ABCG5: variants seen among roughly 807,000 people sequenced by gnomAD.
The protein encoded by ABCG5 is ATP-binding cassette sub-family G member 5.
Under a neutral mutation model 64.5 loss-of-function variants are expected in ABCG5, and 64 were observed. The observed-to-expected ratio is 0.99, with a 90% CI of 0.81 to 1.22. ABCG5 has a LOEUF of 1.22. Among genes scored for constraint, ABCG5 ranks in the 50% most tolerant of loss-of-function variants. The pLI is 0.00. For missense variants in ABCG5, 908 were observed against 829.5 expected (o/e 1.09, Z -1.16); for synonymous variants, 385 against 326.3 (o/e 1.18, Z -1.94).
At chr2:43,824,489 T>C (rs1039775024) in intron 7 of ABCG5, 57 bp from the exon 8 acceptor site, 1 of 1,604,358 alleles carries the variant, frequency 6.2e-7, no homozygotes, top group South Asian at 1.1e-5. Context: ...TGTATGTACA[T>C]GGATATACAA....
At chr2:43,837,077 G>T (rs920606671) in intron 2 of ABCG5, among the ~76,000 whole-genome samples, 1 of 150,392 alleles carries the variant, frequency 6.6e-6, no homozygotes, top group Non-Finnish European at 1.5e-5. Flanking sequence ...GATCTGATAA[G>T]GCCCGATGTT....
chr2:43,838,664 A>T lies in ABCG5; in HGVS notation c.16T>A (p.Ser6Thr). Residue 6 changes from serine (S) to threonine (T), a missense_variant, in exon 1 of 13, where the codon TCT becomes ACT. Physicochemically the swap from Ser to Thr is moderately conservative, Grantham distance 58 (BLOSUM62 1). Transcript: ENST00000405322. This position sits in a 1 kb window ranked among gnomAD's most constrained non-coding sequence, Gnocchi z 4.2. The part of the protein sequence containing the change: MGDLS[S>T]LTPGGSMGLQ... ...CCCATGGACCCTCCGGGGGTCAAAG[A>T]TGAGAGGTCACCCATGGCCAACAGG... 1 of 1,613,666 alleles carries T rather than the reference A, an allele frequency of 6.2e-7. No individual in the cohort carries two copies. Among genetic ancestry groups the T allele is most frequent in the Non-Finnish European group, 8.5e-7 (1 of 1,179,962 alleles).
At chr2:43,810,093 G>T, downstream of ABCG5, 1 of 545,082 alleles carries the variant, frequency 1.8e-6, no homozygotes, top group Non-Finnish European at 2.4e-6. Flanking sequence ...AAGAGTATTT[G>T]GTTACAGTTT....
At chr2:43,837,033 A>ACG (rs150590590) in intron 2 of ABCG5, among the ~76,000 whole-genome samples, 48,729 of 146,860 alleles carry the variant, frequency 0.33, 8,894 homozygotes, top group East Asian at 0.83. Context: ...TGTCTCAAAA[A>ACG]AGAAAAAAAA....
At chr2:43,831,919 G>A (rs1368134697) in intron 3 of ABCG5, 28 bp downstream of exon 3, 2 of 1,547,930 alleles carry the variant, frequency 1.3e-6, no homozygotes, top group South Asian at 1.2e-5. Context: ...GCGGGCGGGG[G>A]GGCCAGGGGT....
At chr2:43,836,525 G>C (rs943354657) in intron 2 of ABCG5, among the ~76,000 whole-genome samples, 2 of 152,238 alleles carry the variant, frequency 1.3e-5, no homozygotes, top group Non-Finnish European at 2.9e-5. Context: ...CAGTGTAGCA[G>C]ACACTGTGGT....
At chr2:43,831,907 G>A (rs4148174) in intron 3 of ABCG5, 40 bp from the exon 4 acceptor site, 6 of 1,547,948 alleles carry the variant, frequency 3.9e-6, no homozygotes, top group African/African-American at 1.4e-5. Context: ...TAAGCCCCCG[G>A]GGCGGGCGGG....
chr2:43,838,727 C>T lies in ABCG5; in HGVS notation c.-48G>A. 1.9e-6 allele frequency: 3 copies of T among 1,603,670 alleles called. No individual in the cohort carries two copies. The highest frequency in any genetic ancestry group is 2.6e-6 in the Non-Finnish European group (3 of 1,175,660). On this transcript the variant is annotated 5_prime_UTR_variant, in exon 1 of 13. Transcript: ENST00000405322. This position sits in a 1 kb window ranked among gnomAD's most constrained non-coding sequence, Gnocchi z 4.2. Reference sequence around the variant, plus strand: ...GCAAATTTTCTGGTGGCCGGACCCTCCCCAGAGTGGCTTCAGTTGGGGAGC... The same window carrying T: ...GCAAATTTTCTGGTGGCCGGACCCTTCCCAGAGTGGCTTCAGTTGGGGAGC...
intron 5 of ABCG5, among the ~76,000 whole-genome samples, chr2:43,827,659 G>C (rs1275913856): frequency 1.3e-5 from 2 of 152,118 alleles, no homozygotes; most frequent in African/African-American, 4.8e-5. Context: ...GCTTTCCCCA[G>C]CCCACACAGT....
downstream of ABCG5, chr2:43,810,295 TG>T: frequency 1.1e-6 from 1 of 922,990 alleles, no homozygotes; most frequent in Non-Finnish European, 1.3e-6. Flanking sequence ...ATCAGTGGTC[TG>T]GAATGGGGCA....
chr2:43,834,500 G>A (rs112263879), intron 2 of ABCG5, among the ~76,000 whole-genome samples: 2,797 of 152,192 alleles, frequency 0.018, 36 homozygotes, highest in Non-Finnish European at 0.029. Flanking sequence ...ACTAAATTTT[G>A]GGATACTTTT....
In ABCG5 at chr2:43,838,547, A is replaced by G. The variant is rs1208543291; in HGVS notation, c.133T>C (p.Tyr45His). ...AGGGCTCTGCCTTACCTGACGCTGTAGGAGGCATGGAGGATGCCCAGGCTG... is the reference window on the plus strand; with the variant it reads ...AGGGCTCTGCCTTACCTGACGCTGTGGGAGGCATGGAGGATGCCCAGGCTG... ...PHSLGILHAS[Y>H]SVSHRVRPWW... Residue 45 changes from tyrosine to histidine, a missense_variant, in exon 1 of 13, where the codon TAC (tyrosine) becomes CAC (histidine). Transcript: ENST00000405322. The surrounding 1 kb of genome is among the most constrained non-coding windows in gnomAD (Gnocchi z 4.2). The G allele has an allele frequency of 1.2e-6, 2 of 1,605,196 alleles. No homozygotes were observed.
downstream of ABCG5, among the ~76,000 whole-genome samples, chr2:43,808,236 T>C (rs2104725233): frequency 6.7e-6 from 1 of 150,224 alleles, no homozygotes; most frequent in Middle Eastern, 3.5e-3. Flanking sequence ...ATGAAAATTC[T>C]TCCTAGAATC....
In ABCG5 at chr2:43,831,753, G is replaced by A. The variant is rs773557639; in HGVS notation, c.501+16C>T. On this transcript the variant is annotated intron_variant, in intron 4 of 12. Transcript: ENST00000405322. The stretch of plus-strand genomic sequence containing the variant: ...GGTACTCAGTTTGCCCTCTGTGAGC[G>A]GGGGGCTGCACCCACCTTCTTCTGG... 1.9e-6 allele frequency: 3 copies of A among 1,562,012 alleles called. No individual in the cohort carries two copies. Among genetic ancestry groups the A allele is most frequent in the Non-Finnish European group, 2.6e-6 (3 of 1,156,070 alleles).
chr2:43,830,204 TC>T (rs1192653392), intron 4 of ABCG5, among the ~76,000 whole-genome samples: 1 of 152,182 alleles, frequency 6.6e-6, no homozygotes, highest in Non-Finnish European at 1.5e-5. Context: ...AGGAATGCTC[TC>T]CCACATTTTG....
downstream of ABCG5, chr2:43,810,633 G>C (rs529176926): frequency 3.7e-6 from 2 of 536,928 alleles, no homozygotes; most frequent in East Asian, 2.9e-4. Flanking sequence ...TACCCCAAGG[G>C]AGTACTGTCT....
chr2:43,811,572 AAG>A (rs1666481415), downstream of ABCG5, among the ~76,000 whole-genome samples: 1 of 152,168 alleles, frequency 6.6e-6, no homozygotes, highest in Non-Finnish European at 1.5e-5. Context: ...ATCAATCAGA[AAG>A]AGAATCAGTA....
intron 12 of ABCG5, 80 bp downstream of exon 12, chr2:43,814,397 A>T: frequency 1.1e-6 from 1 of 912,448 alleles, no homozygotes; most frequent in Non-Finnish European, 1.8e-6. Context: ...CACAGTTTTT[A>T]TTTCAAAAAT....
chr2:43,810,490 T>C, downstream of ABCG5: 1 of 985,414 alleles, frequency 1.0e-6, no homozygotes, highest in Non-Finnish European at 1.2e-6. Flanking sequence ...TTCCAATCTG[T>C]AGATGTGTGT....
Sources: allele counts gnomAD v4.1 joint callset (sites outside exome capture counted in the v4.1 genomes callset), GRCh38; gene constraint gnomAD v4.1.1; non-coding constraint Gnocchi (gnomAD v3.1); transcripts MANE v1.5; gene names NCBI Gene and HGNC (gene_info 2026-07-23, HGNC 2026-07-21).